ZMYM6: variants seen among roughly 807,000 people sequenced by gnomAD.
ZMYM6 encodes the protein zinc finger MYM-type containing 6.
Under a neutral mutation model 134.0 loss-of-function variants are expected in ZMYM6, and 90 were observed. The observed-to-expected ratio is 0.67, with a 90% CI of 0.57 to 0.80. The LOEUF (loss-of-function observed/expected upper bound fraction) is 0.80, where lower values mean the gene tolerates loss of function less well. ZMYM6 is among the 30% of genes least tolerant of loss of function. The pLI is 0.00. For missense variants in ZMYM6, 1,362 were observed against 1,533.9 expected, an observed-to-expected ratio of 0.89 and a Z score of 1.87; for synonymous variants, 481 against 524.1, an observed-to-expected ratio of 0.92 and a Z score of 1.12.
At chr1:35,013,891 C>A (rs1325569909) in intron 6 of ZMYM6, among the ~76,000 whole-genome samples, 1 of 152,148 alleles carries the variant, frequency 6.6e-6, no homozygotes, top group African/African-American at 2.4e-5. Flanking sequence ...AGGGTTTCAC[C>A]ATGTTGGTCA....
intron 2 of ZMYM6, among the ~76,000 whole-genome samples, chr1:35,021,022 T>C (rs772040965): frequency 5.3e-5 from 8 of 152,244 alleles, no homozygotes; most frequent in Non-Finnish European, 1.2e-4. Context: ...AAATGAAATT[T>C]TGATATATGG....
chr1:35,010,701 CA>C, intron 9 of ZMYM6, 56 bp downstream of exon 9: 1 of 1,538,532 alleles, frequency 6.5e-7, no homozygotes, highest in Non-Finnish European at 8.7e-7. Flanking sequence ...ATTGAAAACA[CA>C]AAAGTGTTTC....
At position 35,019,343 on chromosome 1, in the gene ZMYM6, A is replaced by G. The variant is rs1352303080; in HGVS notation, c.428+10T>C. On this transcript the variant is annotated intron_variant, in intron 4 of 15. Transcript: ENST00000357182. The stretch of plus-strand genomic sequence containing the variant: ...AGGTAAAGTAAAAAGGGATGTTAAG[A>G]ATTTTATACTTCGAGCAGTTTGTGC... 4 of 1,614,184 alleles carry G rather than the reference A, an allele frequency of 2.5e-6. No homozygotes were observed. The highest frequency in any genetic ancestry group is 3.4e-6 in the Non-Finnish European group (4 of 1,180,020).
Position 35,010,820 on chromosome 1 carries a change from T to C in ZMYM6, c.1279A>G (p.Lys427Glu), listed in dbSNP as rs1557575157. The C allele has an allele frequency of 6.2e-7, 1 of 1,605,460 alleles. No individual in the cohort carries two copies. The highest frequency in any genetic ancestry group is 8.5e-7 in the Non-Finnish European group (1 of 1,177,340). The part of the protein sequence containing the change: ...QQVALTHTVV[K>E]LKCQHCNHLF... ...TGGTTACAGTGCTGACACTTGAGTT[T>C]AACAACTGTATGGGTTAAAGCAACT... Residue 427 changes from lysine to glutamate, a missense_variant, in exon 9 of 16, where the codon AAA (lysine) becomes GAA (glutamate). Lys to Glu is a moderately conservative substitution (Grantham distance 56). Transcript: ENST00000357182.
intron 4 of ZMYM6, among the ~76,000 whole-genome samples, chr1:35,016,388 C>T (rs1297140222): frequency 1.3e-5 from 2 of 152,004 alleles, no homozygotes; most frequent in Admixed American, 6.6e-5. Flanking sequence ...GAAACAAGAA[C>T]GAGACAGGAA....
intron 14 of ZMYM6, among the ~76,000 whole-genome samples, chr1:34,998,893 G>A (rs1422591139): frequency 1.3e-5 from 2 of 152,032 alleles, no homozygotes; most frequent in African/African-American, 4.8e-5. Context: ...AGGCTGAGGC[G>A]GGAGGATGGC....
At position 34,987,692 on chromosome 1, in the gene ZMYM6, G is replaced by T; in HGVS notation, c.3390C>A (p.Leu1130=). 2 of 1,550,802 alleles carry T rather than the reference G, an allele frequency of 1.3e-6. No homozygotes were observed. Among genetic ancestry groups the T allele is most frequent in the Non-Finnish European group, 1.7e-6 (2 of 1,146,846 alleles). The change falls in exon 16 of 16, where the codon CTC becomes CTA. Residue 1130 remains leucine (L), a synonymous_variant. Coordinates refer to ENST00000357182, the MANE Select transcript of ZMYM6 (RefSeq NM_007167.4). ...FSLINELNLS[L]QGTLTTFFNL... is the part of the protein sequence containing the mutation. ...TGAAGAAAGTAGTCAAAGTTCCTTG[G>T]AGACTTAAATTTAATTCATTTATAA...
In ZMYM6 at chr1:35,014,742, T is replaced by C; in HGVS notation, c.750A>G (p.Gln250=). 1 of 1,614,120 alleles carries C rather than the reference T, an allele frequency of 6.2e-7. No individual in the cohort carries two copies. The highest frequency in any genetic ancestry group is 8.5e-7 in the Non-Finnish European group (1 of 1,180,020). ...SYCYSSSGPC[Q]SQKVFSSTSV... ...TTGTTGAACTAAAAACCTTCTGGGA[T>C]TGGCAAGGACCAGAGCTACTATAGC... The change falls in exon 6 of 16, where the codon CAA becomes CAG. Residue 250 remains glutamine, a synonymous_variant. Coordinates refer to ENST00000357182, the MANE Select transcript of ZMYM6 (RefSeq NM_007167.4).
chr1:35,004,566 G>A (rs898447860), intron 13 of ZMYM6, among the ~76,000 whole-genome samples: 3 of 151,586 alleles, frequency 2.0e-5, no homozygotes, highest in Admixed American at 6.6e-5. Flanking sequence ...CCCAGATTGC[G>A]CCACTGCACT....
chr1:34,997,826 T>C (rs1027820455), intron 14 of ZMYM6, among the ~76,000 whole-genome samples: 3 of 152,220 alleles, frequency 2.0e-5, no homozygotes, highest in African/African-American at 4.8e-5. Flanking sequence ...TTCTTAAGTC[T>C]TTCTCCATCT....
intron 2 of ZMYM6, 107 bp downstream of exon 2, chr1:35,030,440 G>A: frequency 9.5e-7 from 1 of 1,052,756 alleles, no homozygotes; most frequent in Admixed American, 2.6e-5. Context: ...CTCAGTTTGG[G>A]TTATTTTAAA....
chr1:35,018,004 A>C (rs979371141), intron 4 of ZMYM6: 3 of 152,196 alleles, frequency 2.0e-5, no homozygotes, highest in East Asian at 1.9e-4. Flanking sequence ...ATTAATTAGA[A>C]TGGTATTTTG....
intron 2 of ZMYM6, among the ~76,000 whole-genome samples, chr1:35,028,728 T>C (rs996888276): frequency 3.3e-5 from 5 of 151,900 alleles, no homozygotes; most frequent in African/African-American, 1.2e-4. Flanking sequence ...CTCGATCTCC[T>C]GACCTCGTGA....
In ZMYM6 at chr1:35,011,971, T is replaced by G. The variant is rs1298808286; in HGVS notation, c.981A>C (p.Ser327=). 1 of 1,609,712 alleles carries G rather than the reference T, an allele frequency of 6.2e-7. No individual in the cohort carries two copies. Among genetic ancestry groups the G allele is most frequent in the Non-Finnish European group, 8.5e-7 (1 of 1,177,408 alleles). The change falls in exon 8 of 16, where the codon TCA becomes TCC. Residue 327 remains serine, a synonymous_variant. Transcript: ENST00000357182. ...TGGCTAGGTGATACTGAGGGATTGCTGAGGTTTTACAACTATGACATGAAA... is the reference window on the plus strand; with the variant it reads ...TGGCTAGGTGATACTGAGGGATTGCGGAGGTTTTACAACTATGACATGAAA... ...VQVSCHSCKT[S]AIPQYHLAMS... is the part of the protein sequence containing the mutation.
At chr1:35,016,848 T>A (rs1197635859) in intron 4 of ZMYM6, among the ~76,000 whole-genome samples, 2 of 149,250 alleles carry the variant, frequency 1.3e-5, no homozygotes, top group South Asian at 2.1e-4. Flanking sequence ...ATAAAAAAAA[T>A]TTTTTAATTA....
In ZMYM6 at chr1:35,013,236, A is replaced by G. The variant is rs377556186; in HGVS notation, c.796-655T>C. The G allele has an allele frequency of 1.3e-5, 10 of 743,452 alleles. No individual in the cohort carries two copies. In the East Asian group the frequency reaches 9.1e-4, roughly 68 times the overall value. The allele number at this position is 743,452 out of a possible 1,614,324, so 46.1% of individuals were successfully genotyped here. A position where few individuals can be genotyped will look rare whatever the true frequency, so the allele number is the denominator to read the frequency against. ...TTCAACAACAGAGTGAGGCGCTCTC[A>G]AAAATTACATTAACAAAAAGTTTAA... On this transcript the variant is annotated intron_variant, in intron 6 of 15. Transcript: ENST00000357182.
chr1:35,026,916 TGAG>T (rs767747914), intron 2 of ZMYM6, among the ~76,000 whole-genome samples: 57 of 152,164 alleles, frequency 3.7e-4, no homozygotes, highest in Admixed American at 2.3e-3. Context: ...CAATGAAAGA[TGAG>T]GAGGAGATGG....
chr1:35,001,587 T>A (rs1640882340), intron 14 of ZMYM6, among the ~76,000 whole-genome samples: 1 of 152,152 alleles, frequency 6.6e-6, no homozygotes, highest in East Asian at 1.9e-4. Context: ...ATGTTAATAC[T>A]TACTAATATA....
intron 6 of ZMYM6, among the ~76,000 whole-genome samples, chr1:35,014,204 C>G (rs749722103): frequency 5.9e-5 from 9 of 152,166 alleles, no homozygotes; most frequent in Admixed American, 1.3e-4. Flanking sequence ...TGTTTAGATT[C>G]ACTGATTTTA....
Sources: gnomAD v4.1 joint callset for allele counts (sites outside exome capture counted in the v4.1 genomes callset) on GRCh38, gnomAD v4.1.1 for gene constraint, MANE v1.5 for transcripts, NCBI Gene and HGNC (gene_info 2026-07-23, HGNC 2026-07-21) for gene names.